The following RBFOX3 variants were observed in gnomAD, a reference collection of about 807,000 sequenced individuals.
The protein encoded by RBFOX3 is RNA binding protein fox-1 homolog 3.
In RBFOX3, 17 loss-of-function variants were observed where a neutral mutation model predicts 48.7. The observed-to-expected ratio is 0.35, with a 90% CI of 0.24 to 0.52. RBFOX3 has a LOEUF of 0.52. Ranked by LOEUF, RBFOX3 falls within the 20% of genes least tolerant of loss-of-function variation. The probability of loss-of-function intolerance (pLI) is 0.94; values close to 1 mark genes in which losing one functional copy is unlikely to be tolerated. For synonymous variants in RBFOX3, 212 were observed against 209.5 expected (o/e 1.01, Z -0.10); for missense variants, 382 against 497.5 (o/e 0.77, Z 2.21).
In RBFOX3 at chr17:79,263,503, G is replaced by A. The variant is rs150081024; in HGVS notation, c.-73-27698C>T. 1.5e-4 allele frequency among the ~76,000 whole-genome samples: 23 copies of A among 152,328 alleles called. 1 individual carries two copies. Among genetic ancestry groups the A allele is most frequent in the South Asian group, 8.3e-4 (4 of 4,828 alleles). On this transcript the variant is annotated intron_variant, in intron 3 of 14. Coordinates refer to ENST00000693108, the MANE Select transcript of RBFOX3 (RefSeq NM_001350451.2). The stretch of plus-strand genomic sequence containing the variant: ...CCTGGGCCCTGGCTGGGAGAGTCCC[G>A]TGCTGCTCGTGGCAGAAGTCCTGGG...
chr17:79,399,037 G>A (rs555890478), intron 2 of RBFOX3, among the ~76,000 whole-genome samples: 1 of 152,320 alleles, frequency 6.6e-6, no homozygotes, highest in South Asian at 2.1e-4. Flanking sequence ...AAGGACGCAT[G>A]ACGGCAGAGG....
intron 4 of RBFOX3, among the ~76,000 whole-genome samples, chr17:79,119,271 A>T (rs2035044545): frequency 6.6e-6 from 1 of 152,186 alleles, no homozygotes; most frequent in African/African-American, 2.4e-5. Context: ...GCAGATGGGG[A>T]CATTTTAGGG....
chr17:79,371,461 C>T (rs2058531490), intron 2 of RBFOX3, among the ~76,000 whole-genome samples: 1 of 152,318 alleles, frequency 6.6e-6, no homozygotes, highest in Admixed American at 6.5e-5. Context: ...TGCAGAGTGG[C>T]CCTTGTTGCT....
chr17:79,260,624 T>G (rs1277269630), intron 3 of RBFOX3, among the ~76,000 whole-genome samples: 1 of 152,032 alleles, frequency 6.6e-6, no homozygotes, highest in Non-Finnish European at 1.5e-5. Context: ...GCCCCAGGGG[T>G]GGCCCAGAGA....
intron 1 of RBFOX3, among the ~76,000 whole-genome samples, chr17:79,543,570 C>T (rs1184401872): frequency 1.3e-5 from 2 of 152,160 alleles, no homozygotes; most frequent in Non-Finnish European, 2.9e-5. Flanking sequence ...CAACTTCACA[C>T]TCCCCCCTTC....
chr17:79,540,801 A>G (rs2089585993), intron 1 of RBFOX3, among the ~76,000 whole-genome samples: 1 of 152,200 alleles, frequency 6.6e-6, no homozygotes, highest in African/African-American at 2.4e-5. Flanking sequence ...GGGGTTTCTA[A>G]GCATTTCTGA....
In RBFOX3 at chr17:79,242,443, C is replaced by A. The variant is rs1044544151; in HGVS notation, c.-73-6638G>T. Among the ~76,000 whole-genome samples, 1 of 151,880 alleles carries A rather than the reference C, an allele frequency of 6.6e-6. No homozygotes were observed. Among genetic ancestry groups the A allele is most frequent in the Non-Finnish European group, 1.5e-5 (1 of 67,960 alleles). ...AAAATCAACTGTGGGTGGCTTAAAC[C>A]TGGCTTGTGATGACGGTGATCAGAG... On this transcript the variant is annotated intron_variant, in intron 3 of 14. Coordinates refer to ENST00000693108, the MANE Select transcript of RBFOX3 (RefSeq NM_001350451.2). This position sits in a 1 kb window ranked among gnomAD's most constrained non-coding sequence, Gnocchi z 5.8.
At chr17:79,313,860 C>T (rs2077181997) in intron 2 of RBFOX3, among the ~76,000 whole-genome samples, 1 of 152,220 alleles carries the variant, frequency 6.6e-6, no homozygotes, top group Non-Finnish European at 1.5e-5. Context: ...GGCTCCCCTG[C>T]TTGTCCTCCC....
chr17:79,151,158 G>A (rs1026649689), intron 4 of RBFOX3, among the ~76,000 whole-genome samples: 9 of 151,984 alleles, frequency 5.9e-5, no homozygotes, highest in East Asian at 2.0e-4. Flanking sequence ...CCCCCTACTC[G>A]GGGCAAGCAA....
chr17:79,377,462 C>A (rs140873567), intron 2 of RBFOX3, among the ~76,000 whole-genome samples: 3 of 152,288 alleles, frequency 2.0e-5, no homozygotes, highest in African/African-American at 7.2e-5. Flanking sequence ...GGCATGCGCA[C>A]GCACACACAC....
intron 2 of RBFOX3, among the ~76,000 whole-genome samples, chr17:79,401,486 C>A (rs2062798050): frequency 1.3e-5 from 2 of 152,206 alleles, no homozygotes; most frequent in Non-Finnish European, 1.5e-5. Flanking sequence ...AATGCAAACG[C>A]CTTATTCCCT....
intron 1 of RBFOX3, among the ~76,000 whole-genome samples, chr17:79,520,712 C>G (rs1180204924): frequency 6.6e-6 from 1 of 152,238 alleles, no homozygotes. Context: ...CTCAGGCTGG[C>G]AGAGCACAAG....
At chr17:79,478,917 C>T (rs1440832346) in intron 2 of RBFOX3, among the ~76,000 whole-genome samples, 5 of 152,164 alleles carry the variant, frequency 3.3e-5, no homozygotes, top group Non-Finnish European at 7.3e-5. Context: ...GGACCCTTTC[C>T]GAGGCAGAGG....
intron 2 of RBFOX3, among the ~76,000 whole-genome samples, chr17:79,326,230 G>A (rs954341864): frequency 6.6e-6 from 1 of 152,180 alleles, no homozygotes; most frequent in African/African-American, 2.4e-5. Flanking sequence ...CTTCCCATCA[G>A]CACTTCCTAG....
At chr17:79,546,674 T>A (rs1555792036) in intron 1 of RBFOX3, among the ~76,000 whole-genome samples, 1 of 149,334 alleles carries the variant, frequency 6.7e-6, no homozygotes, top group African/African-American at 2.5e-5. Flanking sequence ...ATTCTATTTT[T>A]TTTTTTTTTT....
intron 4 of RBFOX3, among the ~76,000 whole-genome samples, chr17:79,150,778 G>A (rs374559955): frequency 1.3e-5 from 2 of 152,202 alleles, no homozygotes; most frequent in African/African-American, 4.8e-5. Context: ...AAAAGAGGGG[G>A]GCAGGGAACT....
rs150173268 is a variant in RBFOX3, at chr17:79,343,707, G to GT, written c.-174-35884dup. On this transcript the variant is annotated intron_variant, in intron 2 of 14. Coordinates refer to ENST00000693108, the MANE Select transcript of RBFOX3 (RefSeq NM_001350451.2). ...AGTAACAGAGGCTACCATTTGTGGG[G>GT]TATGTACTGTCAGCCAGGCAGTGAA... is the stretch of plus-strand genomic sequence containing the variant. Among the ~76,000 whole-genome samples, 321 of 152,190 alleles carry GT rather than the reference G, an allele frequency of 2.1e-3. 3 individuals are homozygous for GT. The highest frequency in any genetic ancestry group is 7.4e-3 in the African/African-American group (309 of 41,524).
rs1382513074 is a variant in RBFOX3 at position 79,391,326 on chromosome 17, G to T, written c.-174-83502C>A. ...TCAATGACCAGCTGTCTCAGGGGGAGAAAAAGGGAGGATTTAAACCCAGCA... is the reference window on the plus strand; with the variant it reads ...TCAATGACCAGCTGTCTCAGGGGGATAAAAAGGGAGGATTTAAACCCAGCA... On this transcript the variant is annotated intron_variant, in intron 2 of 14. Coordinates refer to ENST00000693108, the MANE Select transcript of RBFOX3 (RefSeq NM_001350451.2). The surrounding 1 kb of genome is among the most constrained non-coding windows in gnomAD (Gnocchi z 5.0). Among the ~76,000 whole-genome samples, 1 of 152,056 alleles carries T rather than the reference G, an allele frequency of 6.6e-6. No homozygotes were observed. Among genetic ancestry groups the T allele is most frequent in the Non-Finnish European group, 1.5e-5 (1 of 68,016 alleles).
upstream of RBFOX3, among the ~76,000 whole-genome samples, chr17:79,611,895 T>C (rs2093972535): frequency 6.6e-6 from 1 of 152,186 alleles, no homozygotes; most frequent in Non-Finnish European, 1.5e-5. Flanking sequence ...GCTTAGGATT[T>C]CCCTAAAATC....
Sources: gnomAD v4.1 joint callset for allele counts (sites outside exome capture counted in the v4.1 genomes callset) on GRCh38, gnomAD v4.1.1 for gene constraint, Gnocchi (gnomAD v3.1) non-coding constraint, MANE v1.5 for transcripts, NCBI Gene and HGNC (gene_info 2026-07-23, HGNC 2026-07-21) for gene names.